The following NID2 variants were observed in gnomAD, a reference collection of about 807,000 sequenced individuals.
NID2 encodes nidogen 2.
In NID2, 83 loss-of-function variants were observed where a neutral mutation model predicts 145.4. That is an observed-to-expected ratio of 0.57 (90% confidence interval 0.48 to 0.69). The LOEUF (loss-of-function observed/expected upper bound fraction) is 0.69, where lower values mean the gene tolerates loss of function less well. Among genes scored for constraint, NID2 ranks in the 30% least tolerant of loss-of-function variants. The pLI, the probability that NID2 is intolerant of heterozygous loss-of-function variation, is 0.00. For missense variants in NID2, 1,807 were observed against 1,765.7 expected (o/e 1.02, Z -0.42); for synonymous variants, 739 against 701.3 (o/e 1.05, Z -0.85).
intron 3 of NID2, among the ~76,000 whole-genome samples, chr14:52,056,484 T>G (rs1892848797): frequency 6.6e-6 from 1 of 152,086 alleles, no homozygotes; most frequent in South Asian, 2.1e-4. Flanking sequence ...GAGAATTAAG[T>G]GAGAAAACCA....
chr14:52,066,857 C>T (rs1893234497), intron 2 of NID2, among the ~76,000 whole-genome samples: 1 of 152,146 alleles, frequency 6.6e-6, no homozygotes, highest in Non-Finnish European at 1.5e-5. Flanking sequence ...TGCCATTTAC[C>T]AAGCACGCTG....
intron 9 of NID2, among the ~76,000 whole-genome samples, chr14:52,035,854 G>GTGCATATATATA (rs1566759334): frequency 2.8e-5 from 1 of 36,074 alleles, no homozygotes; most frequent in African/African-American, 1.1e-4. Context: ...AAATTTTTTT[G>GTGCATATATATA]TGTATATATA....
intron 12 of NID2, among the ~76,000 whole-genome samples, chr14:52,026,271 T>G (rs937845980): frequency 3.9e-5 from 6 of 152,138 alleles, no homozygotes; most frequent in Non-Finnish European, 2.9e-5. Flanking sequence ...TCCCAGGAAT[T>G]GCAAAGCTGT....
intron 18 of NID2, chr14:52,009,253 T>G (rs1399592103): frequency 3.9e-5 from 6 of 152,190 alleles, no homozygotes; most frequent in African/African-American, 1.4e-4. Flanking sequence ...TGCATATCAT[T>G]GCTTCATCGC....
rs76630862 is a variant in NID2, at chr14:52,062,444, G to A, written c.535-2088C>T. Among the ~76,000 whole-genome samples the A allele has an allele frequency of 9.1e-3, 1,392 of 152,270 alleles. 26 individuals carry two copies. The highest frequency in any genetic ancestry group is 0.032 in the African/African-American group (1,323 of 41,546). On this transcript the variant is annotated intron_variant, in intron 2 of 21. Coordinates refer to ENST00000216286, the MANE Select transcript of NID2 (RefSeq NM_007361.4). ...CAACTACTGCCAAATATAAACAAAG[G>A]CTGTTCTGCCTCATGTCTATCCATA...
At chr14:52,065,816 C>T (rs1893182571) in intron 2 of NID2, among the ~76,000 whole-genome samples, 1 of 134,566 alleles carries the variant, frequency 7.4e-6, no homozygotes, top group African/African-American at 3.0e-5. Context: ...CATCCATGTC[C>T]CTACAAAGGA....
chr14:52,045,878 G>T (rs1892472724), intron 5 of NID2, among the ~76,000 whole-genome samples: 1 of 115,020 alleles, frequency 8.7e-6, no homozygotes, highest in South Asian at 3.6e-4. Flanking sequence ...TCCCTCGGGG[G>T]CTTTGTGGAA....
chr14:52,062,899 G>A (rs1893059342), intron 2 of NID2, among the ~76,000 whole-genome samples: 1 of 152,118 alleles, frequency 6.6e-6, no homozygotes, highest in Non-Finnish European at 1.5e-5. Flanking sequence ...CTTGAGATGA[G>A]CACTCATTAT....
rs371606776 is a variant in NID2 at position 52,014,721 on chromosome 14, G to GA, written c.3251-266dup. ...AGCAGAACAGATTTTTTTTTCAAGA[G>GA]AAAAAAAAAACAGAGCCAGCATTGT... On this transcript the variant is annotated intron_variant, in intron 15 of 21. Coordinates refer to ENST00000216286, the MANE Select transcript of NID2 (RefSeq NM_007361.4). Among the ~76,000 whole-genome samples, 601 of 143,232 alleles carry GA rather than the reference G, an allele frequency of 4.2e-3. 3 individuals carry two copies. Among genetic ancestry groups the GA allele is most frequent in the African/African-American group, 0.014 (549 of 39,100 alleles). The allele number at this position is 143,232 out of a possible 152,430, so 94.0% of individuals were successfully genotyped here.
chr14:52,006,293 C>T, intron 20 of NID2: 1 of 455,040 alleles, frequency 2.2e-6, no homozygotes, highest in South Asian at 2.8e-5. Context: ...AATAGCTTTG[C>T]TACTTTTTAA....
At chr14:52,014,992 G>A (rs1726530645) in intron 15 of NID2, 62 bp downstream of exon 15, 3 of 1,376,592 alleles carry the variant, frequency 2.2e-6, no homozygotes, top group African/African-American at 1.4e-5. Flanking sequence ...ACCACAGCAG[G>A]CACCATCCCT....
At chr14:52,063,304 C>T (rs1303914832) in intron 2 of NID2, among the ~76,000 whole-genome samples, 1 of 152,184 alleles carries the variant, frequency 6.6e-6, no homozygotes, top group African/African-American at 2.4e-5. Flanking sequence ...CCCCAGGATC[C>T]CAGAGAGGAG....
At chr14:52,022,355 C>T (rs1891431718) in intron 12 of NID2, among the ~76,000 whole-genome samples, 1 of 152,150 alleles carries the variant, frequency 6.6e-6, no homozygotes, top group Non-Finnish European at 1.5e-5. Context: ...ATTCCTGCCC[C>T]AAAGATTGAG....
chr14:52,024,026 A>G (rs1891492236), intron 12 of NID2, among the ~76,000 whole-genome samples: 1 of 152,260 alleles, frequency 6.6e-6, no homozygotes. Flanking sequence ...GCACACATAC[A>G]CATATATTTC....
rs549414956 is a variant in NID2 at position 52,017,992 on chromosome 14, T to C, written c.3028+1069A>G. 1.4e-4 allele frequency among the ~76,000 whole-genome samples: 21 copies of C among 152,262 alleles called. 1 individual carries two copies. In the South Asian group the frequency reaches 3.3e-3, roughly 24 times the overall value. On this transcript the variant is annotated intron_variant, in intron 14 of 21. Coordinates refer to ENST00000216286, the MANE Select transcript of NID2 (RefSeq NM_007361.4). ...TGCCACCACGCCCAGCTAATTTTTG[T>C]ATTTTTAGTAGAGACGGGGTTTCAC... is the stretch of plus-strand genomic sequence containing the variant.
intron 3 of NID2, among the ~76,000 whole-genome samples, chr14:52,059,540 T>C (rs1351477371): frequency 6.6e-6 from 1 of 152,214 alleles, no homozygotes; most frequent in African/African-American, 2.4e-5. Context: ...ACTAGCTAAG[T>C]AAGCCCTCTG....
In NID2 at chr14:52,005,325, GCTTTTCACAAAAGT is replaced by G; in HGVS notation, c.*147_*160del. 1.9e-6 allele frequency: 1 copy of G among 522,790 alleles called. No individual in the cohort carries two copies. Among genetic ancestry groups the G allele is most frequent in the South Asian group, 7.0e-5 (1 of 14,248 alleles). 32.4% of individuals were successfully genotyped at this position (522,790 alleles called of 1,614,324 possible). A position where few individuals can be genotyped will look rare whatever the true frequency, so the allele number is the denominator to read the frequency against. Reference sequence around the variant, plus strand: ...TACAGTAGTAAAGATTGAGGTATCAGCTTTTCACAAAAGTCTTTTTGCACTACAAAATGTTCATC... The same window carrying G: ...TACAGTAGTAAAGATTGAGGTATCAGCTTTTTGCACTACAAAATGTTCATC... On this transcript the variant is annotated 3_prime_UTR_variant, in exon 22 of 22. Coordinates refer to ENST00000216286, the MANE Select transcript of NID2 (RefSeq NM_007361.4).
intron 2 of NID2, among the ~76,000 whole-genome samples, chr14:52,062,216 A>G (rs1393291335): frequency 2.6e-5 from 4 of 152,258 alleles, no homozygotes; most frequent in Admixed American, 2.0e-4. Flanking sequence ...AGAAAATAAA[A>G]TACAATCAGC....
chr14:52,019,346 A>G (rs763588365), intron 13 of NID2, 52 bp from the exon 14 acceptor site: 1 of 1,433,156 alleles, frequency 7.0e-7, no homozygotes, highest in Non-Finnish European at 9.4e-7. Context: ...AAGGCATTGC[A>G]ACCCATCCAC....
Sources: allele counts gnomAD v4.1 joint callset (sites outside exome capture counted in the v4.1 genomes callset), GRCh38; gene constraint gnomAD v4.1.1; transcripts MANE v1.5; gene names NCBI Gene and HGNC (gene_info 2026-07-23, HGNC 2026-07-21).